RNF13: variants seen among roughly 807,000 people sequenced by gnomAD.
The protein encoded by RNF13 is E3 ubiquitin-protein ligase RNF13.
A neutral mutation model predicts 37.7 loss-of-function variants in RNF13; 19 were observed. That is an observed-to-expected ratio of 0.50 (90% CI 0.35 to 0.74). The LOEUF is 0.74. Among genes scored for constraint, RNF13 ranks in the 30% least tolerant of loss-of-function variants. The pLI is 0.01. For synonymous variants in RNF13, 144 were observed against 157.8 expected (o/e 0.91, Z 0.65); for missense variants, 375 against 453.0 (o/e 0.83, Z 1.56).
intron 1 of RNF13, among the ~76,000 whole-genome samples, chr3:149,837,412 A>G (rs534694392): frequency 3.9e-5 from 6 of 152,316 alleles, no homozygotes; most frequent in African/African-American, 1.4e-4. Context: ...GGACTTTTTC[A>G]TACAGCTATT....
chr3:149,901,486 A>G (rs1378857050), intron 5 of RNF13, among the ~76,000 whole-genome samples: 2 of 152,190 alleles, frequency 1.3e-5, no homozygotes, highest in African/African-American at 2.4e-5. Context: ...TAAGATACCA[A>G]TCAAACACAA....
chr3:149,865,317 A>G (rs1023472501), intron 3 of RNF13, among the ~76,000 whole-genome samples: 1 of 118,478 alleles, frequency 8.4e-6, no homozygotes, highest in Non-Finnish European at 1.8e-5. Context: ...ACTTCTTTCT[A>G]GATGTTTTGG....
intron 4 of RNF13, among the ~76,000 whole-genome samples, chr3:149,889,131 G>A (rs896913347): frequency 2.6e-5 from 4 of 151,806 alleles, no homozygotes; most frequent in African/African-American, 7.3e-5. Flanking sequence ...TAGAGACGGG[G>A]TTTCACCATG....
chr3:149,921,474 C>T (rs768957034), intron 8 of RNF13, among the ~76,000 whole-genome samples: 17 of 152,286 alleles, frequency 1.1e-4, no homozygotes, highest in Non-Finnish European at 2.4e-4. Flanking sequence ...CCAACAGGCC[C>T]TGTTGTGTGA....
intron 8 of RNF13, chr3:149,939,318 G>T: frequency 4.4e-6 from 2 of 454,738 alleles, no homozygotes; most frequent in Non-Finnish European, 8.4e-6. Context: ...ATCATCTTCT[G>T]CATCAGCAGC....
chr3:149,887,352 T>TA (rs1280874427), intron 4 of RNF13, among the ~76,000 whole-genome samples: 1 of 152,190 alleles, frequency 6.6e-6, no homozygotes, highest in Admixed American at 6.5e-5. Flanking sequence ...ACCAAACCGA[T>TA]ACCTATAGAA....
At chr3:149,919,116 T>A (rs1271925608) in intron 7 of RNF13, among the ~76,000 whole-genome samples, 1 of 152,220 alleles carries the variant, frequency 6.6e-6, no homozygotes, top group East Asian at 1.9e-4. Context: ...TTGCTGTTCT[T>A]TTAGTGGTTA....
At chr3:149,916,494 C>T (rs925600024) in intron 7 of RNF13, among the ~76,000 whole-genome samples, 1 of 152,116 alleles carries the variant, frequency 6.6e-6, no homozygotes, top group African/African-American at 2.4e-5. Context: ...TAAACAAAAT[C>T]GGTAAAAATC....
intron 8 of RNF13, among the ~76,000 whole-genome samples, chr3:149,950,229 G>A (rs2100633): frequency 0.67 from 101,801 of 152,014 alleles, 35,285 homozygotes; most frequent in East Asian, 0.91. Flanking sequence ...GAATATTAAC[G>A]GTGGTTGTTT....
At chr3:149,829,075 G>T (rs1720780567) in intron 1 of RNF13, among the ~76,000 whole-genome samples, 1 of 152,106 alleles carries the variant, frequency 6.6e-6, no homozygotes, top group South Asian at 2.1e-4. Flanking sequence ...TGAAGGCCCT[G>T]AGATTGGAAA....
chr3:149,894,096 C>T (rs1714999347), intron 4 of RNF13, among the ~76,000 whole-genome samples: 2 of 152,088 alleles, frequency 1.3e-5, no homozygotes, highest in South Asian at 2.1e-4. Flanking sequence ...TTCATAGGTG[C>T]TATGGAGGCT....
chr3:149,820,257 A>C (rs565435760), intron 1 of RNF13, among the ~76,000 whole-genome samples: 1 of 151,108 alleles, frequency 6.6e-6, no homozygotes, highest in Non-Finnish European at 1.5e-5. Flanking sequence ...TTTTTCTGTC[A>C]CCTGGTATGG....
Position 149,959,311 on chromosome 3 carries a change from A to AAAAC in RNF13, c.701-721_701-718dup, listed in dbSNP as rs201095288. ...CCAAAAGTGCGAGACTCCGTCTCCA[A>AAAAC]AAACAAACAAACAAACAAACAAACA... On this transcript the variant is annotated intron_variant, in intron 8 of 9. Coordinates refer to ENST00000392894, the MANE Select transcript of RNF13 (RefSeq NM_183381.3). Among the ~76,000 whole-genome samples, 211 of 152,278 alleles carry AAAAC rather than the reference A, an allele frequency of 1.4e-3. 1 individual carries two copies. The Middle Eastern group carries it at 0.017, about 12-fold the overall frequency.
chr3:149,947,056 A>G (rs1275161445), intron 8 of RNF13, among the ~76,000 whole-genome samples: 1 of 151,772 alleles, frequency 6.6e-6, no homozygotes, highest in East Asian at 1.9e-4. Flanking sequence ...ATTCCTATAC[A>G]TTTGTGGATT....
intron 1 of RNF13, among the ~76,000 whole-genome samples, chr3:149,844,775 GA>G (rs1162393901): frequency 2.0e-5 from 3 of 152,048 alleles, no homozygotes; most frequent in African/African-American, 7.3e-5. Flanking sequence ...AAGCTTTATT[GA>G]GATACAATTC....
intron 8 of RNF13, among the ~76,000 whole-genome samples, chr3:149,954,843 T>A (rs1721706201): frequency 6.6e-6 from 1 of 152,234 alleles, no homozygotes; most frequent in Non-Finnish European, 1.5e-5. Flanking sequence ...CATTACTCGT[T>A]ATTGTCCTCA....
intron 5 of RNF13, among the ~76,000 whole-genome samples, chr3:149,897,654 C>A (rs73870471): frequency 6.6e-6 from 1 of 152,068 alleles, no homozygotes. Flanking sequence ...TGTGTTTAAA[C>A]GTTTTATATG....
intron 8 of RNF13, among the ~76,000 whole-genome samples, chr3:149,934,590 T>G (rs534553462): frequency 6.6e-6 from 1 of 152,220 alleles, no homozygotes; most frequent in South Asian, 2.1e-4. Context: ...TTTAATTTCT[T>G]TATTGACCCA....
At chr3:149,944,925 G>A (rs1390351948) in intron 8 of RNF13, among the ~76,000 whole-genome samples, 1 of 152,096 alleles carries the variant, frequency 6.6e-6, no homozygotes, top group African/African-American at 2.4e-5. Context: ...TTTTCTTCTA[G>A]GGTTTTTATG....
Sources: allele counts gnomAD v4.1 joint callset (sites outside exome capture counted in the v4.1 genomes callset), GRCh38; gene constraint gnomAD v4.1.1; transcripts MANE v1.5; gene names NCBI Gene and HGNC (gene_info 2026-07-23, HGNC 2026-07-21).